SEMA3C: variants seen among roughly 807,000 people sequenced by gnomAD.
The protein encoded by SEMA3C is semaphorin-3C.
Under a neutral mutation model 89.4 loss-of-function variants are expected in SEMA3C, and 47 were observed. That is an observed-to-expected ratio of 0.53 (90% confidence interval 0.42 to 0.67). The LOEUF is 0.67. Ranked by LOEUF, SEMA3C falls within the 30% of genes least tolerant of loss-of-function variation. SEMA3C has a pLI of 0.00. For missense variants in SEMA3C, 839 were observed against 929.1 expected (o/e 0.90, Z 1.26); for synonymous variants, 310 against 320.2 (o/e 0.97, Z 0.34).
At chr7:80,875,078 C>T (rs981147276) in intron 2 of SEMA3C, among the ~76,000 whole-genome samples, 8 of 146,192 alleles carry the variant, frequency 5.5e-5, no homozygotes, top group Admixed American at 2.1e-4. Flanking sequence ...AGCAAGACTC[C>T]GTCTCAGGAA....
chr7:80,758,774 C>A (rs1788123145), intron 14 of SEMA3C, among the ~76,000 whole-genome samples: 2 of 152,146 alleles, frequency 1.3e-5, no homozygotes, highest in South Asian at 4.1e-4. Context: ...CAGATTGGAG[C>A]TAACATATTA....
chr7:80,823,603 A>G (rs1375025167), intron 4 of SEMA3C, among the ~76,000 whole-genome samples: 1 of 152,082 alleles, frequency 6.6e-6, no homozygotes, highest in East Asian at 1.9e-4. Flanking sequence ...AAATGAATCA[A>G]GGTATTTTGA....
At chr7:80,785,641 C>T (rs1311382905) in intron 12 of SEMA3C, among the ~76,000 whole-genome samples, 4 of 152,150 alleles carry the variant, frequency 2.6e-5, no homozygotes, top group Non-Finnish European at 2.9e-5. Flanking sequence ...GAAATTTCAC[C>T]AGAGTTTCAC....
At chr7:80,828,404 C>T (rs149269861) in intron 3 of SEMA3C, among the ~76,000 whole-genome samples, 181 bp downstream of exon 3, 132 of 152,144 alleles carry the variant, frequency 8.7e-4, no homozygotes, top group African/African-American at 3.0e-3. Context: ...TGGAACTAGA[C>T]GATGAGAACT....
intron 15 of SEMA3C, 22 bp from the exon 16 acceptor site, chr7:80,751,358 A>G (rs373569848): frequency 6.2e-6 from 10 of 1,607,088 alleles, no homozygotes; most frequent in Non-Finnish European, 8.5e-6. Flanking sequence ...GAAATACATA[A>G]AAGTGACTGA....
At chr7:80,868,404 A>C (rs1790979708) in intron 2 of SEMA3C, among the ~76,000 whole-genome samples, 1 of 151,974 alleles carries the variant, frequency 6.6e-6, no homozygotes, top group Non-Finnish European at 1.5e-5. Flanking sequence ...AGTAACTGGG[A>C]CTGTAGACAT....
chr7:80,796,613 T>C (rs1450931528), intron 11 of SEMA3C: 1 of 152,224 alleles, frequency 6.6e-6, no homozygotes, highest in Non-Finnish European at 1.5e-5. Context: ...GTTCTGTCCA[T>C]CTTCTTTAGA....
intron 12 of SEMA3C, among the ~76,000 whole-genome samples, chr7:80,784,094 C>T (rs1324681874): frequency 6.6e-6 from 1 of 152,068 alleles, no homozygotes; most frequent in Admixed American, 6.6e-5. Context: ...GACCTAGACA[C>T]TTAAATATTT....
intron 2 of SEMA3C, among the ~76,000 whole-genome samples, chr7:80,888,278 G>A (rs1791530168): frequency 6.6e-6 from 1 of 151,798 alleles, no homozygotes; most frequent in African/African-American, 2.4e-5. Flanking sequence ...GCCGGGCATG[G>A]TGGAGTGTGC....
At chr7:80,828,008 C>T (rs982787878) in intron 3 of SEMA3C, among the ~76,000 whole-genome samples, 3 of 152,066 alleles carry the variant, frequency 2.0e-5, no homozygotes, top group Non-Finnish European at 4.4e-5. Context: ...GTAGTTGCAG[C>T]CTTGGGTCCA....
At chr7:80,834,394 A>G (rs919147837) in intron 2 of SEMA3C, among the ~76,000 whole-genome samples, 5 of 152,178 alleles carry the variant, frequency 3.3e-5, no homozygotes, top group African/African-American at 1.2e-4. Context: ...TGAGAATTTA[A>G]CCAAAGCTGG....
At chr7:80,775,259 G>A (rs543108258) in intron 12 of SEMA3C, among the ~76,000 whole-genome samples, 1 of 152,212 alleles carries the variant, frequency 6.6e-6, no homozygotes, top group South Asian at 2.1e-4. Flanking sequence ...AAAGGAATGA[G>A]AACCCGGTAT....
chr7:80,901,948 T>C (rs187248755), intron 2 of SEMA3C, among the ~76,000 whole-genome samples: 1 of 152,286 alleles, frequency 6.6e-6, no homozygotes, highest in African/African-American at 2.4e-5. Context: ...CAATTCATGT[T>C]GTTTGGGTTT....
chr7:80,871,339 T>C (rs1343417576), intron 2 of SEMA3C, among the ~76,000 whole-genome samples: 5 of 152,236 alleles, frequency 3.3e-5, no homozygotes, highest in African/African-American at 1.2e-4. Flanking sequence ...CTAGAGACCT[T>C]TAATTTTTCT....
intron 2 of SEMA3C, among the ~76,000 whole-genome samples, chr7:80,892,406 C>T (rs942870798): frequency 3.9e-5 from 6 of 151,914 alleles, no homozygotes; most frequent in African/African-American, 1.2e-4. Flanking sequence ...GTGATATTTT[C>T]GTCCTTTTGT....
chr7:80,894,294 T>G (rs1221580966), intron 2 of SEMA3C, among the ~76,000 whole-genome samples: 1 of 151,342 alleles, frequency 6.6e-6, no homozygotes, highest in Non-Finnish European at 1.5e-5. Context: ...ATCTGTATAT[T>G]TGTAATTAGG....
intron 5 of SEMA3C, among the ~76,000 whole-genome samples, chr7:80,812,588 C>T (rs1212540926): frequency 6.6e-6 from 1 of 152,128 alleles, no homozygotes; most frequent in Non-Finnish European, 1.5e-5. Flanking sequence ...CATTTGCTCT[C>T]AACTGACCTA....
Position 80,744,934 on chromosome 7 carries a change from C to A in SEMA3C, c.2216G>T (p.Arg739Leu). 6.2e-7 allele frequency: 1 copy of A among 1,614,002 alleles called. No homozygotes were observed. ...CTGATTCCTCCTGTTTCTACTTTTCCGACTATTGATGAGGGCCTTTAACTT... is the reference window on the plus strand; with the variant it reads ...CTGATTCCTCCTGTTTCTACTTTTCAGACTATTGATGAGGGCCTTTAACTT... Reference protein sequence around the residue: ...YGKLKALINSRKSRNRRNQLP... With the variant: ...YGKLKALINSLKSRNRRNQLP... The change falls in exon 18 of 18, where the codon CGG becomes CTG. Residue 739 changes from arginine to leucine, a missense_variant. Transcript: ENST00000265361.
At chr7:80,885,871 G>A (rs1175794869) in intron 2 of SEMA3C, among the ~76,000 whole-genome samples, 1 of 152,184 alleles carries the variant, frequency 6.6e-6, no homozygotes, top group Non-Finnish European at 1.5e-5. Context: ...CCAGGCCAGT[G>A]ACTGTGCCTG....
Sources: gnomAD v4.1 joint callset for allele counts (sites outside exome capture counted in the v4.1 genomes callset) on GRCh38, gnomAD v4.1.1 for gene constraint, MANE v1.5 for transcripts, NCBI Gene and HGNC (gene_info 2026-07-23, HGNC 2026-07-21) for gene names.